Variants in SLC3A1 observed in about 807,000 individuals in gnomAD.
The protein encoded by SLC3A1 is amino acid transporter heavy chain SLC3A1.
Under a neutral mutation model 60.3 loss-of-function variants are expected in SLC3A1, and 78 were observed. The ratio of observed to expected loss-of-function variants is 1.29; its 90% CI spans 1.08 to 1.56. The LOEUF is 1.56. Among genes scored for constraint, SLC3A1 ranks in the 40% most tolerant of loss-of-function variants. The probability of loss-of-function intolerance (pLI) is 0.00; values close to 1 mark genes in which losing one functional copy is unlikely to be tolerated. For missense variants in SLC3A1, 1,172 were observed against 858.9 expected, an observed-to-expected ratio of 1.36 and a Z score of -4.56; for synonymous variants, 392 against 307.9, an observed-to-expected ratio of 1.27 and a Z score of -2.86.
chr2:44,290,065 T>G (rs566898226), intron 4 of SLC3A1, among the ~76,000 whole-genome samples: 1 of 152,288 alleles, frequency 6.6e-6, no homozygotes, highest in Non-Finnish European at 1.5e-5. Flanking sequence ...ACATTTTAGA[T>G]TGTCTGTGAT....
Position 44,304,254 on chromosome 2 carries a change from A to G in SLC3A1, c.1248A>G (p.Leu416=). 1 of 1,614,128 alleles carries G rather than the reference A, an allele frequency of 6.2e-7. No individual in the cohort carries two copies. Residue 416 remains leucine (L), a synonymous_variant, in exon 7 of 10, where the codon CTA becomes CTG. Coordinates refer to ENST00000260649, the MANE Select transcript of SLC3A1 (RefSeq NM_000341.4). ...CCTTCAACAATTACCTCAGCATGCT[A>G]GACACTGTTTCTGGGAACAGCGTGT... is the stretch of plus-strand genomic sequence containing the variant. ...DFPFNNYLSM[L]DTVSGNSVYE... is the part of the protein sequence containing the mutation.
chr2:44,302,206 C>A (rs1276431568), intron 6 of SLC3A1, among the ~76,000 whole-genome samples: 1 of 152,176 alleles, frequency 6.6e-6, no homozygotes, highest in Non-Finnish European at 1.5e-5. Flanking sequence ...CTGAAGGAGT[C>A]CTGCTCTGTA....
chr2:44,311,215 A>G (rs1359454176), intron 7 of SLC3A1, among the ~76,000 whole-genome samples: 2 of 152,156 alleles, frequency 1.3e-5, no homozygotes, highest in Non-Finnish European at 2.9e-5. Flanking sequence ...CACTTTAGCT[A>G]TTGTACTTTT....
At chr2:44,296,625 C>G (rs1671854050) in intron 4 of SLC3A1, among the ~76,000 whole-genome samples, 1 of 152,178 alleles carries the variant, frequency 6.6e-6, no homozygotes, top group Admixed American at 6.5e-5. Context: ...AGTGAATTGA[C>G]AGGAGCAGTA....
chr2:44,281,930 A>C (rs1476592098), intron 3 of SLC3A1, among the ~76,000 whole-genome samples: 2 of 152,066 alleles, frequency 1.3e-5, no homozygotes, highest in African/African-American at 2.4e-5. Flanking sequence ...GCTGGAGTGC[A>C]ATAGCACAAT....
intron 9 of SLC3A1, chr2:44,318,738 T>A (rs375725641): frequency 5.9e-4 from 90 of 152,262 alleles, no homozygotes; most frequent in African/African-American, 2.1e-3. Flanking sequence ...TTCTTGTAAT[T>A]GAATAAAAAA....
chr2:44,280,411 G>A (rs1268880332), intron 1 of SLC3A1, among the ~76,000 whole-genome samples: 2 of 151,934 alleles, frequency 1.3e-5, no homozygotes, highest in Non-Finnish European at 2.9e-5. Context: ...GCTAATTTTT[G>A]TATTTTTAAT....
At chr2:44,297,698 A>T (rs1175410895) in intron 4 of SLC3A1, among the ~76,000 whole-genome samples, 1 of 152,164 alleles carries the variant, frequency 6.6e-6, no homozygotes, top group Non-Finnish European at 1.5e-5. Flanking sequence ...CTTTCATGCT[A>T]CAATTTGTTC....
At chr2:44,294,484 C>G (rs1482377671) in intron 4 of SLC3A1, among the ~76,000 whole-genome samples, 1 of 142,480 alleles carries the variant, frequency 7.0e-6, no homozygotes, top group East Asian at 2.0e-4. Flanking sequence ...GCCTGGGTGA[C>G]AGAGTGAGAC....
intron 3 of SLC3A1, among the ~76,000 whole-genome samples, chr2:44,284,740 T>A (rs1671576820): frequency 6.6e-6 from 1 of 151,964 alleles, no homozygotes; most frequent in Admixed American, 6.6e-5. Flanking sequence ...AGTTTTTTTA[T>A]TTTTTTGTAA....
intron 3 of SLC3A1, chr2:44,285,763 C>T (rs765036081): frequency 1.6e-5 from 10 of 617,314 alleles, no homozygotes; most frequent in Non-Finnish European, 3.1e-5. Context: ...TTAAGTTGAC[C>T]TTGTCTTGGG....
At chr2:44,299,862 T>C in intron 4 of SLC3A1, 109 bp from the exon 5 acceptor site, 1 of 1,074,026 alleles carries the variant, frequency 9.3e-7, no homozygotes, top group South Asian at 1.3e-5. Flanking sequence ...TTGTTCTGTA[T>C]GTAGATATCT....
intron 9 of SLC3A1, among the ~76,000 whole-genome samples, chr2:44,317,087 T>A (rs1456593066): frequency 2.6e-5 from 4 of 152,096 alleles, no homozygotes; most frequent in Non-Finnish European, 5.9e-5. Context: ...AGTGTTTGTT[T>A]TGCACAGGAA....
downstream of SLC3A1, chr2:44,321,914 C>T (rs1672997522): frequency 6.2e-7 from 1 of 1,608,060 alleles, no homozygotes; most frequent in Non-Finnish European, 8.5e-7. Flanking sequence ...GAAGAGTTAA[C>T]ATGTAGAACA....
chr2:44,301,353 C>T lies in SLC3A1; in HGVS notation c.1136+226C>T, dbSNP rs544860680. 547 of 625,792 alleles carry T rather than the reference C, an allele frequency of 8.7e-4. 13 individuals are homozygous for T. In the South Asian group the frequency reaches 9.7e-3, roughly 11 times the overall value. The allele number at this position is 625,792 out of a possible 1,614,324, so 38.8% of individuals were successfully genotyped here. A position where few individuals can be genotyped will look rare whatever the true frequency, so the allele number is the denominator to read the frequency against. On this transcript the variant is annotated intron_variant, in intron 6 of 9. Coordinates refer to ENST00000260649, the MANE Select transcript of SLC3A1 (RefSeq NM_000341.4). The stretch of plus-strand genomic sequence containing the variant: ...TTGTAAAATGATGCAGATCACACTA[C>T]GTACTTCACAGGAGTTTTGTGAAAA...
chr2:44,310,123 A>G (rs944050641), intron 7 of SLC3A1, among the ~76,000 whole-genome samples: 3 of 150,802 alleles, frequency 2.0e-5, no homozygotes, highest in Non-Finnish European at 3.0e-5. Context: ...TGAACTCCTG[A>G]GCTCAAGTGA....
In SLC3A1 at chr2:44,275,796, G is replaced by T; in HGVS notation, c.261G>T (p.Glu87Asp). The change falls in exon 1 of 10, where the codon GAG (glutamate) becomes GAT (aspartate). Residue 87 changes from glutamate to aspartate, a missense_variant. By Grantham distance (45) the Glu-to-Asp change is conservative. Coordinates refer to ENST00000260649, the MANE Select transcript of SLC3A1 (RefSeq NM_000341.4). Reference protein sequence around the residue: ...SGQARYRIPREILFWLTVASV... With the variant: ...SGQARYRIPRDILFWLTVASV... ...AGGCCCGCTACCGCATACCTCGGGA[G>T]ATCCTCTTCTGGCTCACAGTGGCTT... 6.2e-7 allele frequency: 1 copy of T among 1,614,264 alleles called. No individual in the cohort carries two copies. Among genetic ancestry groups the T allele is most frequent in the Non-Finnish European group, 8.5e-7 (1 of 1,180,050 alleles).
At position 44,301,047 on chromosome 2, in the gene SLC3A1, C is replaced by T; in HGVS notation, c.1056C>T (p.Thr352=). Residue 352 remains threonine (T), a synonymous_variant, in exon 6 of 10, where the codon ACC becomes ACT. Coordinates refer to ENST00000260649, the MANE Select transcript of SLC3A1 (RefSeq NM_000341.4). Reference sequence around the variant, plus strand: ...CGGAGCTGTACCATGACTTCACCACCACGCAGGTGGGAATGCACGACATTG... The same window carrying T: ...CGGAGCTGTACCATGACTTCACCACTACGCAGGTGGGAATGCACGACATTG... The part of the protein sequence containing the change: ...QYSELYHDFT[T]TQVGMHDIVR... 4 of 1,614,170 alleles carry T rather than the reference C, an allele frequency of 2.5e-6. No individual in the cohort carries two copies. The highest frequency in any genetic ancestry group is 2.5e-6 in the Non-Finnish European group (3 of 1,180,028).
At chr2:44,302,592 T>C (rs1192946182) in intron 6 of SLC3A1, among the ~76,000 whole-genome samples, 1 of 152,240 alleles carries the variant, frequency 6.6e-6, no homozygotes. Context: ...TCCATAAATA[T>C]GCTGCCTCAA....
Sources: allele counts gnomAD v4.1 joint callset (sites outside exome capture counted in the v4.1 genomes callset), GRCh38; gene constraint gnomAD v4.1.1; transcripts MANE v1.5; gene names NCBI Gene and HGNC (gene_info 2026-07-23, HGNC 2026-07-21).